MUC13: variants seen among roughly 807,000 people sequenced by gnomAD.
MUC13 encodes mucin-13.
A neutral mutation model predicts 48.3 loss-of-function variants in MUC13; 32 were observed. The ratio of observed to expected loss-of-function variants is 0.66; its 90% CI spans 0.50 to 0.89. The LOEUF (loss-of-function observed/expected upper bound fraction) is 0.89. MUC13 is among the 40% of genes least tolerant of loss of function. MUC13 has a pLI of 0.00. For missense variants in MUC13, 571 were observed against 622.8 expected, an observed-to-expected ratio of 0.92 and a Z score of 0.88; for synonymous variants, 199 against 224.9, an observed-to-expected ratio of 0.88 and a Z score of 1.03.
rs769975555 is a variant in MUC13 at position 124,927,513 on chromosome 3, T to C, written c.514+19A>G. ...TGTACTCTCCATCCTTGGGGAGTCT[T>C]TGAGGGAATTGTCCTTACCTGTGCT... On this transcript the variant is annotated intron_variant, in intron 2 of 11. Transcript: ENST00000616727. The C allele has an allele frequency of 8.1e-6, 13 of 1,605,888 alleles. No individual in the cohort carries two copies. The Admixed American group carries it at 2.2e-4, about 27-fold the overall frequency.
intron 2 of MUC13, 37 bp downstream of exon 2, chr3:124,927,495 T>G: frequency 6.3e-7 from 1 of 1,586,430 alleles, no homozygotes; most frequent in Non-Finnish European, 8.6e-7. Flanking sequence ...AATTGTACTC[T>G]CCATCCTTGG....
Position 124,923,920 on chromosome 3 carries a change from G to C in MUC13, c.515-271C>G, listed in dbSNP as rs547754002. On this transcript the variant is annotated intron_variant, in intron 2 of 11. Coordinates refer to ENST00000616727, the MANE Select transcript of MUC13 (RefSeq NM_033049.4). ...ACAAGGGCTTGCCCAAAGAAAGAGAGATTGCAGTCTTCTGACTCCAAGGAG... is the reference window on the plus strand; with the variant it reads ...ACAAGGGCTTGCCCAAAGAAAGAGACATTGCAGTCTTCTGACTCCAAGGAG... Among the ~76,000 whole-genome samples the C allele has an allele frequency of 3.2e-3, 481 of 152,312 alleles. 2 individuals carry two copies. The highest frequency in any genetic ancestry group is 5.8e-3 in the Non-Finnish European group (392 of 68,020).
chr3:124,927,657 A>G lies in MUC13; in HGVS notation c.389T>C (p.Leu130Ser). 5 of 1,614,224 alleles carry G rather than the reference A, an allele frequency of 3.1e-6. No individual in the cohort carries two copies. The highest frequency in any genetic ancestry group is 3.4e-6 in the Non-Finnish European group (4 of 1,180,032). The change falls in exon 2 of 12, where the codon TTA becomes TCA. Residue 130 changes from leucine to serine, a missense_variant. Transcript: ENST00000616727. ...TGTTTCAGAAGGAACCATTGTGATT[A>G]ATCCATCATTTGGAGATGAAGCGGT... ...IITASSPNDG[L>S]ITMVPSETQS... is the part of the protein sequence containing the mutation.
intron 2 of MUC13, among the ~76,000 whole-genome samples, chr3:124,925,924 A>G (rs1189030121): frequency 6.6e-6 from 1 of 152,074 alleles, no homozygotes; most frequent in Non-Finnish European, 1.5e-5. Context: ...TTCCATTAAC[A>G]ATTTTTTAAA....
At chr3:124,912,764 C>T (rs908980493) in intron 8 of MUC13, among the ~76,000 whole-genome samples, 8 of 151,898 alleles carry the variant, frequency 5.3e-5, no homozygotes, top group African/African-American at 1.9e-4. Context: ...GATGAAACCC[C>T]GTCTCCACTA....
intron 2 of MUC13, 92 bp from the exon 3 acceptor site, chr3:124,923,741 G>A (rs1451570290): frequency 9.5e-6 from 12 of 1,266,260 alleles, no homozygotes; most frequent in South Asian, 2.8e-5. Flanking sequence ...CCTCCCCCCT[G>A]GGCCCTTTCC....
At chr3:124,923,728 A>G (rs1560000082) in intron 2 of MUC13, 79 bp from the exon 3 acceptor site, 1 of 1,468,976 alleles carries the variant, frequency 6.8e-7, no homozygotes, top group Non-Finnish European at 9.3e-7. Context: ...TTCCATCTTC[A>G]TGCCTCCCCC....
intron 1 of MUC13, among the ~76,000 whole-genome samples, chr3:124,929,111 C>A (rs1935747502): frequency 6.6e-6 from 1 of 152,038 alleles, no homozygotes; most frequent in East Asian, 1.9e-4. Flanking sequence ...TTTTAGGAAC[C>A]CCTGGACACA....
intron 8 of MUC13, 150 bp downstream of exon 8, chr3:124,912,961 A>AAAAT: frequency 1.6e-6 from 1 of 609,682 alleles, no homozygotes; most frequent in Non-Finnish European, 2.5e-6. Flanking sequence ...AAAAAAAACT[A>AAAAT]TTGATGATGA....
intron 3 of MUC13, among the ~76,000 whole-genome samples, chr3:124,922,591 CTT>C (rs1242125220): frequency 2.3e-5 from 2 of 85,430 alleles, no homozygotes; most frequent in African/African-American, 4.6e-5. Context: ...GTTGCCTAGT[CTT>C]TTTTTTTTTT....
chr3:124,924,222 G>C (rs1935651166), intron 2 of MUC13, among the ~76,000 whole-genome samples: 1 of 152,150 alleles, frequency 6.6e-6, no homozygotes, highest in African/African-American at 2.4e-5. Context: ...GCCATGAGAA[G>C]ACATTCCAGC....
chr3:124,912,949 A>C (rs1001142007), intron 8 of MUC13, among the ~76,000 whole-genome samples, 162 bp downstream of exon 8: 3 of 151,730 alleles, frequency 2.0e-5, no homozygotes, highest in Non-Finnish European at 2.9e-5. Flanking sequence ...AAAAAAAAAA[A>C]AAAAAAAAAC....
At chr3:124,909,489 T>TGTGTGCTTGC (rs1935379858) in intron 10 of MUC13, among the ~76,000 whole-genome samples, 2 of 36,874 alleles carry the variant, frequency 5.4e-5, no homozygotes, top group African/African-American at 1.5e-4. Context: ...TGCTTGCGTG[T>TGTGTGCTTGC]GTGTGTGTGT....
At chr3:124,929,088 G>T (rs949073703) in intron 1 of MUC13, among the ~76,000 whole-genome samples, 2 of 151,930 alleles carry the variant, frequency 1.3e-5, no homozygotes, top group African/African-American at 4.8e-5. Context: ...TATCAAAGTC[G>T]CATTTTCACA....
chr3:124,909,422 T>C (rs1450070835), intron 10 of MUC13, among the ~76,000 whole-genome samples: 1 of 151,958 alleles, frequency 6.6e-6, no homozygotes, highest in Non-Finnish European at 1.5e-5. Flanking sequence ...TGCCCCTTCC[T>C]TAAGAGAAGA....
chr3:124,918,853 A>G (rs963953482), intron 5 of MUC13, among the ~76,000 whole-genome samples: 1 of 152,166 alleles, frequency 6.6e-6, no homozygotes, highest in Non-Finnish European at 1.5e-5. Context: ...CCAGCTTCAG[A>G]GCCACTGTGT....
intron 4 of MUC13, 114 bp from the exon 5 acceptor site, chr3:124,920,403 A>G (rs1023977721): frequency 2.5e-6 from 2 of 801,022 alleles, no homozygotes; most frequent in East Asian, 2.7e-5. Flanking sequence ...ACAGGATCCA[A>G]CTGGGTAGAA....
chr3:124,912,148 T>A lies in MUC13; in HGVS notation c.1215-7A>T. 2.5e-6 allele frequency: 4 copies of A among 1,612,550 alleles called. No homozygotes were observed. The highest frequency in any genetic ancestry group is 3.4e-6 in the Non-Finnish European group (4 of 1,179,390). Reference sequence around the variant, plus strand: ...ACTGTAGCCAAATGCACACCTGAAATACAGTGAGCAATAGGAAACAGTGTT... The same window carrying A: ...ACTGTAGCCAAATGCACACCTGAAAAACAGTGAGCAATAGGAAACAGTGTT... On this transcript the variant is annotated splice_polypyrimidine_tract_variant and splice_region_variant and intron_variant, in intron 8 of 11. Transcript: ENST00000616727.
intron 7 of MUC13, 78 bp from the exon 8 acceptor site, chr3:124,913,318 G>A: frequency 6.4e-7 from 1 of 1,554,916 alleles, no homozygotes; most frequent in Non-Finnish European, 8.7e-7. Flanking sequence ...CAACATGACA[G>A]TGTCTTTCAC....
Sources: gnomAD v4.1 joint callset for allele counts (sites outside exome capture counted in the v4.1 genomes callset) on GRCh38, gnomAD v4.1.1 for gene constraint, MANE v1.5 for transcripts, NCBI Gene and HGNC (gene_info 2026-07-23, HGNC 2026-07-21) for gene names.